The following DOCK2 variants were observed in gnomAD, a reference collection of about 807,000 sequenced individuals.
DOCK2 encodes dedicator of cytokinesis protein 2.
A neutral mutation model predicts 248.9 loss-of-function variants in DOCK2; 87 were observed. The ratio of observed to expected loss-of-function variants is 0.35; its 90% confidence interval spans 0.29 to 0.42. The LOEUF is 0.42. DOCK2 is among the 10% of genes least tolerant of loss of function. The probability of loss-of-function intolerance (pLI) is 1.00; values close to 1 mark genes in which losing one functional copy is unlikely to be tolerated. For missense variants in DOCK2, 1,747 were observed against 2,300.2 expected, an observed-to-expected ratio of 0.76 and a Z score of 4.92; for synonymous variants, 805 against 821.6, an observed-to-expected ratio of 0.98 and a Z score of 0.35.
intron 51 of DOCK2, among the ~76,000 whole-genome samples, chr5:170,082,218 G>A (rs1299232418): frequency 6.6e-6 from 1 of 152,080 alleles, no homozygotes; most frequent in Non-Finnish European, 1.5e-5. Flanking sequence ...GGATGTGCAG[G>A]ACCCAGGGAC....
rs1040098867 is a variant in DOCK2, at chr5:169,912,405, C to T, written c.2800-70663C>T. On this transcript the variant is annotated intron_variant, in intron 27 of 51. Coordinates refer to ENST00000520908, the MANE Select transcript of DOCK2 (RefSeq NM_004946.3). ...TCTATTGGCTTTCAGGATTGTTGCT[C>T]TACTTGCGAAGGGTCTTTAATAGTC... 3.2e-4 allele frequency among the ~76,000 whole-genome samples: 48 copies of T among 152,096 alleles called. 1 individual carries two copies. Among genetic ancestry groups the T allele is most frequent in the Non-Finnish European group, 5.9e-5 (4 of 68,028 alleles).
intron 20 of DOCK2, 88 bp downstream of exon 20, chr5:169,716,390 C>A: frequency 2.3e-6 from 3 of 1,301,122 alleles, no homozygotes; most frequent in Non-Finnish European, 3.3e-6. Flanking sequence ...GCCCTCATGG[C>A]CCTCATGGCC....
chr5:170,069,917 T>A (rs889810388), intron 46 of DOCK2, among the ~76,000 whole-genome samples: 2 of 152,172 alleles, frequency 1.3e-5, no homozygotes, highest in African/African-American at 4.8e-5. Context: ...CTTAGAAGCC[T>A]GCACTTCTAT....
intron 14 of DOCK2, among the ~76,000 whole-genome samples, chr5:169,706,738 C>T (rs1761287414): frequency 6.6e-6 from 1 of 152,192 alleles, no homozygotes; most frequent in African/African-American, 2.4e-5. Flanking sequence ...TCTGAAAGGA[C>T]TGCTGTGTAT....
chr5:169,673,275 G>A (rs116274797), intron 5 of DOCK2, among the ~76,000 whole-genome samples: 1,747 of 151,974 alleles, frequency 0.011, 31 homozygotes, highest in South Asian at 0.034. Flanking sequence ...ATAAACTCAG[G>A]TATCATTGAA....
intron 27 of DOCK2, chr5:169,884,143 C>A (rs762450501): frequency 8.4e-6 from 3 of 357,338 alleles, no homozygotes; most frequent in African/African-American, 2.1e-5. Context: ...ATAATTGCTC[C>A]TTGGAAAAAC....
At chr5:169,660,880 G>A (rs1364677795) in intron 2 of DOCK2, among the ~76,000 whole-genome samples, 1 of 152,158 alleles carries the variant, frequency 6.6e-6, no homozygotes, top group African/African-American at 2.4e-5. Context: ...GAGTGAGGAT[G>A]AGGCTCAGAC....
At chr5:170,049,840 C>T (rs1235140594) in intron 40 of DOCK2, among the ~76,000 whole-genome samples, 1 of 152,132 alleles carries the variant, frequency 6.6e-6, no homozygotes, top group Non-Finnish European at 1.5e-5. Flanking sequence ...GGCTTAGAGC[C>T]AGAAGCCAGG....
intron 28 of DOCK2, among the ~76,000 whole-genome samples, chr5:169,984,119 A>G (rs1182848686): frequency 6.6e-6 from 1 of 152,216 alleles, no homozygotes; most frequent in East Asian, 1.9e-4. Flanking sequence ...AAAGTATGAC[A>G]TGGAAATTAG....
chr5:170,029,889 C>A (rs1354326260), intron 34 of DOCK2, among the ~76,000 whole-genome samples: 2 of 152,236 alleles, frequency 1.3e-5, no homozygotes, highest in Non-Finnish European at 2.9e-5. Flanking sequence ...CAGGATGGCG[C>A]CCCAGGCAGT....
chr5:169,870,190 G>C (rs1771864019), intron 27 of DOCK2, among the ~76,000 whole-genome samples: 1 of 152,184 alleles, frequency 6.6e-6, no homozygotes, highest in Non-Finnish European at 1.5e-5. Context: ...TGCATTTAGA[G>C]AGTGAGCTAT....
chr5:169,899,155 G>T (rs1773781019), intron 27 of DOCK2, among the ~76,000 whole-genome samples: 2 of 152,182 alleles, frequency 1.3e-5, no homozygotes, highest in African/African-American at 4.8e-5. Flanking sequence ...TCTAGTAAGA[G>T]CTCAAAAAAT....
chr5:169,819,316 A>G (rs997065904), intron 26 of DOCK2, among the ~76,000 whole-genome samples: 3 of 152,084 alleles, frequency 2.0e-5, no homozygotes, highest in Non-Finnish European at 4.4e-5. Context: ...ATCTCAAACA[A>G]CAACAACAAC....
intron 27 of DOCK2, among the ~76,000 whole-genome samples, chr5:169,939,015 T>C (rs1404505430): frequency 6.6e-6 from 1 of 151,844 alleles, no homozygotes; most frequent in Non-Finnish European, 1.5e-5. Context: ...GCCATTCTCC[T>C]ACCTTAGCCT....
intron 30 of DOCK2, chr5:169,997,969 C>A (rs1754704659): frequency 8.8e-6 from 4 of 456,220 alleles, no homozygotes; most frequent in Non-Finnish European, 1.3e-5. Flanking sequence ...CTTTCTACTT[C>A]ATAGGGTTTT....
chr5:169,761,428 A>C, intron 24 of DOCK2, 91 bp from the exon 25 acceptor site: 1 of 1,045,906 alleles, frequency 9.6e-7, no homozygotes, highest in Non-Finnish European at 1.4e-6. Context: ...GGTTTCCCAG[A>C]GCTAGAGGTC....
At chr5:169,839,422 C>G (rs1026245868) in intron 26 of DOCK2, among the ~76,000 whole-genome samples, 3 of 152,128 alleles carry the variant, frequency 2.0e-5, no homozygotes, top group Admixed American at 6.5e-5. Context: ...AGGTTGCACA[C>G]CTGGCAAATA....
At chr5:169,840,697 G>C in intron 26 of DOCK2, 60 bp from the exon 27 acceptor site, 1 of 1,521,234 alleles carries the variant, frequency 6.6e-7, no homozygotes, top group Non-Finnish European at 9.1e-7. Flanking sequence ...TGTGTCCTTT[G>C]TACAATTGTT....
intron 27 of DOCK2, among the ~76,000 whole-genome samples, chr5:169,957,094 G>T (rs1776899385): frequency 6.6e-6 from 1 of 152,078 alleles, no homozygotes; most frequent in Non-Finnish European, 1.5e-5. Flanking sequence ...TCTGCACTTT[G>T]TACTTTGCAG....
Sources: allele counts gnomAD v4.1 joint callset (sites outside exome capture counted in the v4.1 genomes callset), GRCh38; gene constraint gnomAD v4.1.1; transcripts MANE v1.5; gene names NCBI Gene and HGNC (gene_info 2026-07-23, HGNC 2026-07-21).